Variants in NEMP2 observed in about 807,000 individuals in gnomAD.
The protein encoded by NEMP2 is nuclear envelope integral membrane protein 2.
In NEMP2, 53 loss-of-function variants were observed where a neutral mutation model predicts 54.2. That is an observed-to-expected ratio of 0.98 (90% CI 0.78 to 1.23). NEMP2 has a LOEUF of 1.23. Among genes scored for constraint, NEMP2 ranks in the 50% most tolerant of loss-of-function variants. The pLI is 0.00. For synonymous variants in NEMP2, 197 were observed against 190.3 expected, an observed-to-expected ratio of 1.04 and a Z score of -0.29; for missense variants, 455 against 511.3, an observed-to-expected ratio of 0.89 and a Z score of 1.06.
chr2:190,496,890 T>C, the NEMP2 span, among the ~76,000 whole-genome samples: 163 of 152,242 alleles, frequency 1.1e-3, 2 homozygotes, highest in Admixed American at 7.8e-3. The surrounding 1 kb of genome is among the most constrained non-coding windows in gnomAD (Gnocchi z 4.7). Context: ...AATGATATGA[T>C]GGACTTTGGG....
rs537469963 is a variant in NEMP2 at position 190,515,351 on chromosome 2, T to C, written c.728-673A>G. ...CAGGACAAGCTTGGTTTCTTTAGCA[T>C]ATCACTATGATGAAAAAAGAACTGC... On this transcript the variant is annotated intron_variant, in intron 6 of 8. Transcript: ENST00000409150. 2.6e-5 allele frequency among the ~76,000 whole-genome samples: 4 copies of C among 152,326 alleles called. No homozygotes were observed. The South Asian group carries it at 8.3e-4, about 32-fold the overall frequency.
chr2:190,576,434 CT>C, the NEMP2 span, among the ~76,000 whole-genome samples: 9 of 152,200 alleles, frequency 5.9e-5, no homozygotes, highest in East Asian at 1.5e-3. Context: ...GAAGAGAGTA[CT>C]TAAGCTAATA....
chr2:190,465,561 G>T, the NEMP2 span, among the ~76,000 whole-genome samples: 2 of 151,970 alleles, frequency 1.3e-5, no homozygotes, highest in African/African-American at 2.4e-5. The surrounding 1 kb of genome is among the most constrained non-coding windows in gnomAD (Gnocchi z 4.6). Context: ...GCATAAAAAA[G>T]AATTTGATTG....
the NEMP2 span, among the ~76,000 whole-genome samples, chr2:190,431,516 A>C: frequency 6.6e-6 from 1 of 152,232 alleles, no homozygotes; most frequent in Non-Finnish European, 1.5e-5. The surrounding 1 kb of genome is among the most constrained non-coding windows in gnomAD (Gnocchi z 4.4). Context: ...TAGCCCGGCC[A>C]ACACAGCGAA....
the NEMP2 span, among the ~76,000 whole-genome samples, chr2:190,499,274 G>T: frequency 6.6e-6 from 1 of 152,148 alleles, no homozygotes; most frequent in Admixed American, 6.5e-5. The surrounding 1 kb of genome is among the most constrained non-coding windows in gnomAD (Gnocchi z 6.0). Flanking sequence ...TTCTTTCATT[G>T]TAGAATCACA....
chr2:190,562,603 T>C, the NEMP2 span, among the ~76,000 whole-genome samples: 22 of 152,224 alleles, frequency 1.4e-4, no homozygotes, highest in Non-Finnish European at 1.5e-5. This position sits in a 1 kb window ranked among gnomAD's most constrained non-coding sequence, Gnocchi z 5.0. Flanking sequence ...TAAGTATCAG[T>C]TAATTCATTC....
At chr2:190,472,029 C>T in the NEMP2 span, among the ~76,000 whole-genome samples, 1 of 152,160 alleles carries the variant, frequency 6.6e-6, no homozygotes, top group Admixed American at 6.5e-5. Context: ...AGCTGAGGCT[C>T]CTGACTGTTA....
downstream of NEMP2, chr2:190,500,245 C>A: frequency 6.2e-7 from 1 of 1,612,146 alleles, no homozygotes; most frequent in Non-Finnish European, 8.5e-7. This position sits in a 1 kb window ranked among gnomAD's most constrained non-coding sequence, Gnocchi z 5.3. Flanking sequence ...TCACACCCTG[C>A]ATGGAATCAG....
chr2:190,559,439 G>A, the NEMP2 span, among the ~76,000 whole-genome samples: 1 of 152,112 alleles, frequency 6.6e-6, no homozygotes, highest in Non-Finnish European at 1.5e-5. The surrounding 1 kb of genome is among the most constrained non-coding windows in gnomAD (Gnocchi z 4.0). Context: ...TAGAGATGAG[G>A]TTGTCAGGGT....
At chr2:190,605,798 G>C in the NEMP2 span, among the ~76,000 whole-genome samples, 1 of 152,198 alleles carries the variant, frequency 6.6e-6, no homozygotes, top group African/African-American at 2.4e-5. Context: ...AACCCTCTCA[G>C]ATTTCTCTGG....
chr2:190,562,872 T>C, the NEMP2 span, among the ~76,000 whole-genome samples: 1 of 152,210 alleles, frequency 6.6e-6, no homozygotes, highest in Non-Finnish European at 1.5e-5. The surrounding 1 kb of genome is among the most constrained non-coding windows in gnomAD (Gnocchi z 5.0). Context: ...TTCAACTCAT[T>C]CCCCTGCTCT....
chr2:190,567,681 G>T, the NEMP2 span, among the ~76,000 whole-genome samples: 1 of 152,050 alleles, frequency 6.6e-6, no homozygotes, highest in Non-Finnish European at 1.5e-5. The surrounding 1 kb of genome is among the most constrained non-coding windows in gnomAD (Gnocchi z 4.0). Context: ...ATGGAGTCTC[G>T]CTCTGTCACC....
the NEMP2 span, among the ~76,000 whole-genome samples, chr2:190,548,618 A>T: frequency 1.3e-5 from 2 of 152,210 alleles, no homozygotes; most frequent in Non-Finnish European, 2.9e-5. Flanking sequence ...ATTATTTTTC[A>T]ATCTTGAGTA....
chr2:190,640,141 A>G, the NEMP2 span, among the ~76,000 whole-genome samples: 1 of 152,230 alleles, frequency 6.6e-6, no homozygotes, highest in Non-Finnish European at 1.5e-5. Context: ...ATTATTAAAT[A>G]TTAATTGAAT....
At chr2:190,634,862 T>C in the NEMP2 span, among the ~76,000 whole-genome samples, 19 of 152,314 alleles carry the variant, frequency 1.2e-4, no homozygotes, top group African/African-American at 4.1e-4. The surrounding 1 kb of genome is among the most constrained non-coding windows in gnomAD (Gnocchi z 6.8). Context: ...TCAACTCTGA[T>C]CTTTGCAAGC....
At chr2:190,558,684 A>T in the NEMP2 span, among the ~76,000 whole-genome samples, 1 of 152,178 alleles carries the variant, frequency 6.6e-6, no homozygotes, top group Non-Finnish European at 1.5e-5. The surrounding 1 kb of genome is among the most constrained non-coding windows in gnomAD (Gnocchi z 4.4). Context: ...TAGGCTGCAG[A>T]CTCATCATAG....
At chr2:190,575,054 A>G in the NEMP2 span, among the ~76,000 whole-genome samples, 1 of 151,710 alleles carries the variant, frequency 6.6e-6, no homozygotes, top group East Asian at 1.9e-4. Flanking sequence ...ATGGGGTTTC[A>G]CTATGTTGGC....
the NEMP2 span, among the ~76,000 whole-genome samples, chr2:190,543,047 T>C: frequency 6.6e-5 from 10 of 152,260 alleles, no homozygotes; most frequent in Non-Finnish European, 7.3e-5. This position sits in a 1 kb window ranked among gnomAD's most constrained non-coding sequence, Gnocchi z 4.7. Context: ...TCAGATTCTT[T>C]GTAATTTATT....
the NEMP2 span, among the ~76,000 whole-genome samples, chr2:190,564,855 A>G: frequency 6.6e-6 from 1 of 152,226 alleles, no homozygotes; most frequent in Non-Finnish European, 1.5e-5. This position sits in a 1 kb window ranked among gnomAD's most constrained non-coding sequence, Gnocchi z 4.2. Context: ...TAGATGAGAC[A>G]TTTCATAAAT....
Sources: allele counts gnomAD v4.1 joint callset (sites outside exome capture counted in the v4.1 genomes callset), GRCh38; gene constraint gnomAD v4.1.1; non-coding constraint Gnocchi (gnomAD v3.1); transcripts MANE v1.5; gene names NCBI Gene and HGNC (gene_info 2026-07-23, HGNC 2026-07-21).